Variants in TTLL5 observed in about 807,000 individuals in gnomAD.
TTLL5 encodes the protein tubulin polyglutamylase TTLL5.
Under a neutral mutation model 168.4 loss-of-function variants are expected in TTLL5, and 132 were observed. That is an observed-to-expected ratio of 0.78 (90% CI 0.68 to 0.91). The LOEUF is 0.91. Ranked by LOEUF, TTLL5 falls within the 40% of genes least tolerant of loss-of-function variation. The probability of loss-of-function intolerance (pLI) is 0.00; values close to 1 mark genes in which losing one functional copy is unlikely to be tolerated. For synonymous variants in TTLL5, 546 were observed against 558.6 expected, an observed-to-expected ratio of 0.98 and a Z score of 0.32; for missense variants, 1,545 against 1,581.5, an observed-to-expected ratio of 0.98 and a Z score of 0.39.
chr14:75,934,881 A>G (rs1048657529), intron 31 of TTLL5, among the ~76,000 whole-genome samples: 1 of 152,250 alleles, frequency 6.6e-6, no homozygotes, highest in Admixed American at 6.5e-5. Flanking sequence ...GCAGTGCACC[A>G]TAATACCCAA....
chr14:75,886,883 G>A, intron 30 of TTLL5: 8 of 1,455,984 alleles, frequency 5.5e-6, no homozygotes, highest in East Asian at 2.5e-5. Context: ...GGAGATTGAA[G>A]TTTGCCAGGC....
At chr14:75,729,029 TAAG>T (rs1224282375) in intron 12 of TTLL5, among the ~76,000 whole-genome samples, 4 of 152,180 alleles carry the variant, frequency 2.6e-5, no homozygotes, top group Admixed American at 6.5e-5. Flanking sequence ...AAATAGGTAT[TAAG>T]AAGTTCAGAC....
In TTLL5 at chr14:75,825,191, T is replaced by C. The variant is rs1462997886; in HGVS notation, c.3326+5030T>C. Among the ~76,000 whole-genome samples the C allele has an allele frequency of 5.9e-5, 9 of 152,318 alleles. No individual in the cohort carries two copies. The East Asian group carries it at 1.5e-3, about 26-fold the overall frequency. On this transcript the variant is annotated intron_variant, in intron 28 of 31. Transcript: ENST00000298832. ...TTTGGTGTAGGTTTCTTGGTAACTC[T>C]CAGTTCCCTTTCCAGAAAAAAGAAA... is the stretch of plus-strand genomic sequence containing the variant.
At chr14:75,760,176 C>T (rs922473198) in intron 18 of TTLL5, among the ~76,000 whole-genome samples, 4 of 151,932 alleles carry the variant, frequency 2.6e-5, no homozygotes, top group African/African-American at 4.8e-5. Context: ...ATACTAAAAT[C>T]GATTGTATCT....
chr14:75,800,852 C>T (rs1371670860), intron 27 of TTLL5, among the ~76,000 whole-genome samples: 1 of 152,176 alleles, frequency 6.6e-6, no homozygotes, highest in East Asian at 1.9e-4. Flanking sequence ...TGGATACCAG[C>T]ACCTGATCTG....
chr14:75,771,840 G>A lies in TTLL5; in HGVS notation c.2122G>A (p.Glu708Lys). Residue 708 changes from glutamate (E) to lysine (K), a missense_variant, in exon 21 of 32, where the codon GAG (glutamate) becomes AAG (lysine). By Grantham distance (56) the Glu-to-Lys change is moderately conservative (BLOSUM62 1). Transcript: ENST00000298832. Reference sequence around the variant, plus strand: ...GTTCAGTGCCAGTTGGGCTGCCAAAGAGGATGAACAGATGGTAAGGCTTTT... The same window carrying A: ...GTTCAGTGCCAGTTGGGCTGCCAAAAAGGATGAACAGATGGTAAGGCTTTT... ...QTFSASWAAKEDEQMELVVRF... is the reference protein window; with the variant it reads ...QTFSASWAAKKDEQMELVVRF... The A allele has an allele frequency of 5.0e-6, 8 of 1,613,672 alleles. No individual in the cohort carries two copies. Among genetic ancestry groups the A allele is most frequent in the Non-Finnish European group, 6.8e-6 (8 of 1,179,790 alleles).
intron 5 of TTLL5, chr14:75,689,308 T>G (rs1885285009): frequency 6.6e-6 from 1 of 152,210 alleles, no homozygotes; most frequent in Admixed American, 6.5e-5. Flanking sequence ...TAAAGGACCT[T>G]GGGACAGAAC....
intron 31 of TTLL5, among the ~76,000 whole-genome samples, chr14:75,937,199 T>G (rs7400877): frequency 1.3e-5 from 2 of 151,604 alleles, no homozygotes; most frequent in African/African-American, 4.9e-5. Context: ...TCACTGCAAC[T>G]GCCAACTCCC....
chr14:75,671,969 GT>G (rs1203561417), intron 3 of TTLL5, among the ~76,000 whole-genome samples: 1 of 152,128 alleles, frequency 6.6e-6, no homozygotes, highest in African/African-American at 2.4e-5. Context: ...AAAGCTTTCT[GT>G]TTTCTGTCAT....
At chr14:75,676,632 G>A (rs1160836041) in intron 3 of TTLL5, among the ~76,000 whole-genome samples, 1 of 152,162 alleles carries the variant, frequency 6.6e-6, no homozygotes, top group Non-Finnish European at 1.5e-5. Flanking sequence ...ATAGTTAGGT[G>A]ATATGGATTA....
intron 25 of TTLL5, 87 bp downstream of exon 25, chr14:75,782,660 A>C: frequency 2.6e-6 from 3 of 1,135,368 alleles, no homozygotes; most frequent in Non-Finnish European, 3.8e-6. Context: ...AAATATTTCT[A>C]AAGCATGGAA....
rs1566614313 is a variant in TTLL5, at chr14:75,811,173, G to GTGTGTGTGTGTGTGTGTA, written c.3172-8819_3172-8818insGTATGTGTGTGTGTGTGT. Among the ~76,000 whole-genome samples the GTGTGTGTGTGTGTGTGTA allele has an allele frequency of 2.0e-5, 3 of 147,622 alleles. No homozygotes were observed. In the East Asian group the frequency reaches 5.9e-4, roughly 29 times the overall value. ...AAAGAAAGAGTGTGTGTGTGTGTGT[G>GTGTGTGTGTGTGTGTGTA]TGTGTGTGTGTGTGTATGTGTGTGT... On this transcript the variant is annotated intron_variant, in intron 27 of 31. Transcript: ENST00000298832.
intron 27 of TTLL5, among the ~76,000 whole-genome samples, chr14:75,808,917 G>A (rs1403444987): frequency 6.6e-6 from 1 of 151,702 alleles, no homozygotes; most frequent in Non-Finnish European, 1.5e-5. Flanking sequence ...GTGCCACCAT[G>A]CCCAGCTGAT....
rs1485747526 is a variant in TTLL5 at position 75,745,484 on chromosome 14, A to T, written c.1396-6A>T. On this transcript the variant is annotated splice_polypyrimidine_tract_variant and splice_region_variant and intron_variant, in intron 16 of 31. Transcript: ENST00000298832. ...AGGTACTCATTTTATCTTATTTTTC[A>T]TCTAGATCAAAGTTTTACGAAGGGT... 9 of 1,613,728 alleles carry T rather than the reference A, an allele frequency of 5.6e-6. No individual in the cohort carries two copies. Among genetic ancestry groups the T allele is most frequent in the Non-Finnish European group, 7.6e-6 (9 of 1,179,888 alleles).
intron 15 of TTLL5, among the ~76,000 whole-genome samples, chr14:75,741,009 T>A (rs374551414): frequency 6.6e-6 from 1 of 152,236 alleles, no homozygotes; most frequent in Non-Finnish European, 1.5e-5. Context: ...CTTCTCATCA[T>A]TGGTACTTGC....
intron 28 of TTLL5, among the ~76,000 whole-genome samples, chr14:75,827,707 CTTTTTTTTT>C (rs561078439): frequency 0.012 from 615 of 53,246 alleles, 8 homozygotes; most frequent in African/African-American, 0.045. Flanking sequence ...TGGCTTGGTT[CTTTTTTTTT>C]TTTTTTTTTT....
chr14:75,739,715 A>G (rs529700972), intron 15 of TTLL5, among the ~76,000 whole-genome samples: 92 of 152,320 alleles, frequency 6.0e-4, no homozygotes, highest in African/African-American at 2.1e-3. Flanking sequence ...TCTGAGGCTC[A>G]ATTCCCACAT....
At chr14:75,927,218 A>G (rs1012125622) in intron 31 of TTLL5, among the ~76,000 whole-genome samples, 2 of 152,230 alleles carry the variant, frequency 1.3e-5, no homozygotes, top group African/African-American at 2.4e-5. Flanking sequence ...TGGGGTAGCC[A>G]TCTTCTCAAG....
rs1273632316 is a variant in TTLL5, at chr14:75,882,680, TGTAGGCAA to T, written c.3523-4_3526del. ...TCGATCATTTTTTTCCTTTTTTTTT[TGTAGGCAA>T]TCTTTGGCAGCCAGACACTACCTAA... On this transcript the variant is annotated splice_acceptor_variant and splice_polypyrimidine_tract_variant and coding_sequence_variant and intron_variant, in exon 30 of 32. Coordinates refer to ENST00000298832, the MANE Select transcript of TTLL5 (RefSeq NM_015072.5). LOFTEE classifies it high-confidence loss of function. 2.5e-6 allele frequency: 4 copies of T among 1,603,312 alleles called. No individual in the cohort carries two copies. The highest frequency in any genetic ancestry group is 1.7e-5 in the Admixed American group (1 of 58,160).
Sources: allele counts gnomAD v4.1 joint callset (sites outside exome capture counted in the v4.1 genomes callset), GRCh38; gene constraint gnomAD v4.1.1; transcripts MANE v1.5; gene names NCBI Gene and HGNC (gene_info 2026-07-23, HGNC 2026-07-21).